SMIM35: variants seen among roughly 807,000 people sequenced by gnomAD.
SMIM35 encodes small integral membrane protein 35, also known as TMPRSS4 antisense RNA 1 (non-protein coding).
intron 4 of SMIM35, among the ~76,000 whole-genome samples, chr11:118,007,918 G>A (rs2058130164): frequency 6.7e-6 from 1 of 150,244 alleles, no homozygotes; most frequent in African/African-American, 2.5e-5. Context: ...TCTCCAGGCT[G>A]GAGTCCAGTG....
chr11:118,049,760 G>A (rs1246188000), intron 1 of SMIM35, among the ~76,000 whole-genome samples: 1 of 152,078 alleles, frequency 6.6e-6, no homozygotes, highest in Non-Finnish European at 1.5e-5. Context: ...GAGTGCATGC[G>A]CAAAATTGTT....
intron 1 of SMIM35, among the ~76,000 whole-genome samples, chr11:118,076,268 A>C (rs1944683500): frequency 6.6e-6 from 1 of 151,654 alleles, no homozygotes; most frequent in Non-Finnish European, 1.5e-5. Context: ...ACTCTGTCTC[A>C]AAATAAAATA....
intron 1 of SMIM35, among the ~76,000 whole-genome samples, chr11:118,075,517 G>T (rs1020722858): frequency 6.6e-6 from 1 of 152,194 alleles, no homozygotes; most frequent in Non-Finnish European, 1.5e-5. Context: ...CTGTTCACAA[G>T]CCTGGCAGTG....
chr11:118,078,126 C>T (rs1003258198), intron 1 of SMIM35, among the ~76,000 whole-genome samples: 1 of 150,436 alleles, frequency 6.6e-6, no homozygotes, highest in Non-Finnish European at 1.5e-5. Flanking sequence ...GGTCTCTTTT[C>T]ATGCCCTCAC....
chr11:118,082,890 T>G (rs1945258768), intron 1 of SMIM35, among the ~76,000 whole-genome samples: 1 of 152,046 alleles, frequency 6.6e-6, no homozygotes, highest in Admixed American at 6.6e-5. Flanking sequence ...ACCTTAGAGG[T>G]CTTCTCGGCG....
chr11:118,048,191 A>G (rs145659801), intron 1 of SMIM35, among the ~76,000 whole-genome samples: 489 of 152,350 alleles, frequency 3.2e-3, no homozygotes, highest in Non-Finnish European at 5.3e-3. Flanking sequence ...GAACAAGGTT[A>G]AAGGAAGTAA....
intron 1 of SMIM35, among the ~76,000 whole-genome samples, chr11:118,057,704 C>T (rs1001206663): frequency 6.6e-6 from 1 of 152,118 alleles, no homozygotes; most frequent in East Asian, 1.9e-4. Context: ...GGATTCGCCT[C>T]GGAGGCTGAA....
intron 1 of SMIM35, chr11:118,028,732 T>C (rs772011653): frequency 2.0e-5 from 8 of 405,500 alleles, no homozygotes; most frequent in Non-Finnish European, 3.4e-5. Context: ...AAGGGGTAAA[T>C]TAGGAGGTTG....
intron 1 of SMIM35, among the ~76,000 whole-genome samples, chr11:118,058,470 G>T (rs1944348556): frequency 6.6e-6 from 1 of 152,220 alleles, no homozygotes; most frequent in South Asian, 2.1e-4. Flanking sequence ...CCAGCAAGCA[G>T]CTGCAGCCTG....
intron 4 of SMIM35, among the ~76,000 whole-genome samples, chr11:118,006,616 C>T (rs1009153271): frequency 4.6e-5 from 7 of 152,080 alleles, no homozygotes; most frequent in African/African-American, 9.7e-5. Flanking sequence ...TTCTTCCATT[C>T]GTGGTAAGGA....
chr11:118,027,942 G>T (rs967074086), intron 1 of SMIM35, among the ~76,000 whole-genome samples: 1 of 152,182 alleles, frequency 6.6e-6, no homozygotes, highest in African/African-American at 2.4e-5. Context: ...GTAGTCAAAG[G>T]CTCATGAAGA....
At chr11:118,045,567 T>G (rs1428222647) in intron 1 of SMIM35, among the ~76,000 whole-genome samples, 1 of 152,216 alleles carries the variant, frequency 6.6e-6, no homozygotes, top group Non-Finnish European at 1.5e-5. Context: ...AAAACAGGTA[T>G]CATCAATTTC....
intron 1 of SMIM35, among the ~76,000 whole-genome samples, chr11:118,034,137 C>A (rs2058339948): frequency 6.6e-6 from 1 of 151,838 alleles, no homozygotes; most frequent in Non-Finnish European, 1.5e-5. Flanking sequence ...GGCATGATGA[C>A]AAGCACCTGT....
intron 1 of SMIM35, among the ~76,000 whole-genome samples, chr11:118,068,661 T>C (rs1944523378): frequency 6.6e-6 from 1 of 152,068 alleles, no homozygotes; most frequent in South Asian, 2.1e-4. Flanking sequence ...TGAGGGAGGG[T>C]GAGCCAGGAT....
At chr11:118,047,369 G>A (rs1185018212) in intron 1 of SMIM35, among the ~76,000 whole-genome samples, 1 of 152,236 alleles carries the variant, frequency 6.6e-6, no homozygotes, top group Non-Finnish European at 1.5e-5. Context: ...GAGAGATGGA[G>A]ACAGAGAAAA....
rs185367732 is a variant in SMIM35, at chr11:118,043,475, A to G, written c.8-27666T>C. Among the ~76,000 whole-genome samples the G allele has an allele frequency of 7.2e-4, 110 of 152,298 alleles. No individual in the cohort carries two copies. In the Middle Eastern group the frequency reaches 0.01, roughly 14 times the overall value. ...GTCCACATATTATATGATTCTATTTATACAAAATATCCAGAAAATCTATAG... is the reference window on the plus strand; with the variant it reads ...GTCCACATATTATATGATTCTATTTGTACAAAATATCCAGAAAATCTATAG... On this transcript the variant is annotated intron_variant, in intron 1 of 4. Coordinates refer to ENST00000689828, the MANE Select transcript of SMIM35 (RefSeq NM_001394165.1).
In SMIM35 at chr11:118,013,729, T is replaced by C; in HGVS notation, c.*33+19A>G. ...TTGGACATCAGGCTCACTCGGCAGC[T>C]CTCCCAACTCCAACTCACCTCCCCA... On this transcript the variant is annotated intron_variant, in intron 4 of 4. Coordinates refer to ENST00000689828, the MANE Select transcript of SMIM35 (RefSeq NM_001394165.1). 2.5e-6 allele frequency: 1 copy of C among 398,886 alleles called. No individual in the cohort carries two copies. Among genetic ancestry groups the C allele is most frequent in the Non-Finnish European group, 4.4e-6 (1 of 226,070 alleles). 24.7% of individuals were successfully genotyped at this position (398,886 alleles called of 1,614,324 possible).
chr11:118,011,537 T>C (rs1024117201), intron 4 of SMIM35, among the ~76,000 whole-genome samples: 5 of 151,910 alleles, frequency 3.3e-5, no homozygotes, highest in Admixed American at 6.6e-5. Context: ...ACTAAAAATA[T>C]AAAAGTTAGT....
chr11:118,007,627 C>T (rs545438393), intron 4 of SMIM35, among the ~76,000 whole-genome samples: 2 of 152,136 alleles, frequency 1.3e-5, no homozygotes, highest in Non-Finnish European at 2.9e-5. Context: ...AACTCTTGAC[C>T]TTGTGATCCA....
Sources: gnomAD v4.1 joint callset for allele counts (sites outside exome capture counted in the v4.1 genomes callset) on GRCh38, gnomAD v4.1.1 for gene constraint, MANE v1.5 for transcripts, NCBI Gene and HGNC (gene_info 2026-07-23, HGNC 2026-07-21) for gene names.